CACHD1: variants seen among roughly 807,000 people sequenced by gnomAD.
The protein encoded by CACHD1 is VWFA and cache domain-containing protein 1.
In CACHD1, 71 loss-of-function variants were observed where a neutral mutation model predicts 138.7. The observed-to-expected ratio is 0.51, with a 90% CI of 0.42 to 0.62. CACHD1 has a LOEUF of 0.62. CACHD1 is among the 20% of genes least tolerant of loss of function. The pLI, the probability that CACHD1 is intolerant of heterozygous loss-of-function variation, is 0.00. For missense variants in CACHD1, 1,389 were observed against 1,625.3 expected (o/e 0.85, Z 2.50); for synonymous variants, 578 against 591.5 (o/e 0.98, Z 0.33).
chr1:64,536,810 A>G (rs1206936365), intron 1 of CACHD1, among the ~76,000 whole-genome samples: 2 of 152,232 alleles, frequency 1.3e-5, no homozygotes, highest in African/African-American at 4.8e-5. Flanking sequence ...GGGCAAAAAC[A>G]GTATACCAGA....
chr1:64,621,258 C>T (rs1647902784), intron 4 of CACHD1, among the ~76,000 whole-genome samples: 2 of 152,192 alleles, frequency 1.3e-5, no homozygotes, highest in South Asian at 2.1e-4. Context: ...TCCATATGTT[C>T]GTCTAAATAA....
chr1:64,572,859 A>G (rs528060344), intron 2 of CACHD1, among the ~76,000 whole-genome samples: 2 of 152,224 alleles, frequency 1.3e-5, no homozygotes, highest in East Asian at 3.9e-4. Flanking sequence ...ATTCCCTCAC[A>G]TCTGTCAGAC....
chr1:64,589,038 C>T (rs1647076093), intron 3 of CACHD1, among the ~76,000 whole-genome samples: 1 of 152,186 alleles, frequency 6.6e-6, no homozygotes, highest in Non-Finnish European at 1.5e-5. Context: ...CCAAGGTTCT[C>T]TGAAGCCAGC....
intron 9 of CACHD1, among the ~76,000 whole-genome samples, chr1:64,650,340 T>C (rs1171155214): frequency 6.6e-6 from 1 of 152,178 alleles, no homozygotes; most frequent in East Asian, 1.9e-4. Context: ...CTCAGGGGAC[T>C]GTGGTGGGCA....
intron 4 of CACHD1, among the ~76,000 whole-genome samples, chr1:64,608,565 G>A (rs549437104): frequency 6.2e-4 from 94 of 152,266 alleles, no homozygotes; most frequent in African/African-American, 2.1e-3. Flanking sequence ...AAACTGGGTC[G>A]TGTGTCCATT....
intron 9 of CACHD1, among the ~76,000 whole-genome samples, chr1:64,651,853 G>A (rs1472161864): frequency 6.6e-6 from 1 of 152,148 alleles, no homozygotes; most frequent in Non-Finnish European, 1.5e-5. Context: ...TGTTGCTGAT[G>A]TTTTGCACTG....
Position 64,582,200 on chromosome 1 carries a change from G to A in CACHD1, c.306G>A (p.Val102=). The A allele has an allele frequency of 6.2e-7, 1 of 1,613,940 alleles. No individual in the cohort carries two copies. The highest frequency in any genetic ancestry group is 8.5e-7 in the Non-Finnish European group (1 of 1,179,890). The stretch of plus-strand genomic sequence containing the variant: ...AGAAGTTCAACCGTTACTTGGATGT[G>A]GTCAATCGGAACAAGCAAGTTGTAG... ...IREKFNRYLD[V]VNRNKQVVEA... Residue 102 remains valine (V), a synonymous_variant, in exon 3 of 27, where the codon GTG becomes GTA. Coordinates refer to ENST00000651257, the MANE Select transcript of CACHD1 (RefSeq NM_020925.4).
chr1:64,577,103 T>A (rs1177474396), intron 2 of CACHD1, among the ~76,000 whole-genome samples: 1 of 151,878 alleles, frequency 6.6e-6, no homozygotes, highest in Non-Finnish European at 1.5e-5. Flanking sequence ...ACCAATATTC[T>A]TGGCTAATTT....
At chr1:64,547,117 G>T (rs1197199444) in intron 1 of CACHD1, among the ~76,000 whole-genome samples, 2 of 152,134 alleles carry the variant, frequency 1.3e-5, no homozygotes, top group Non-Finnish European at 2.9e-5. Flanking sequence ...TGGAAGTGTA[G>T]TTTTTTAGTC....
At chr1:64,657,434 G>A (rs1170061218) in intron 12 of CACHD1, among the ~76,000 whole-genome samples, 1 of 152,050 alleles carries the variant, frequency 6.6e-6, no homozygotes, top group African/African-American at 2.4e-5. Flanking sequence ...AGTCATTCTG[G>A]TAGGGTTTTG....
chr1:64,651,560 A>T (rs1008061665), intron 9 of CACHD1, among the ~76,000 whole-genome samples: 33 of 152,292 alleles, frequency 2.2e-4, no homozygotes, highest in African/African-American at 7.2e-4. Flanking sequence ...GAGACTGAGG[A>T]GGGAGGATCA....
At chr1:64,681,537 TTG>T (rs1220474799) in intron 25 of CACHD1, among the ~76,000 whole-genome samples, 11 of 140,864 alleles carry the variant, frequency 7.8e-5, no homozygotes, top group Admixed American at 2.3e-4. Context: ...AAAGATTTTA[TTG>T]TGTTTTTTTT....
chr1:64,600,503 G>A (rs955509347), intron 3 of CACHD1, among the ~76,000 whole-genome samples: 2 of 152,132 alleles, frequency 1.3e-5, no homozygotes, highest in African/African-American at 4.8e-5. Flanking sequence ...AAGATTTCTT[G>A]GAGCCTTCAG....
chr1:64,642,066 A>G, intron 8 of CACHD1, 97 bp downstream of exon 8: 1 of 1,180,610 alleles, frequency 8.5e-7, no homozygotes, highest in Non-Finnish European at 1.1e-6. Flanking sequence ...GTGTGCTTGG[A>G]TGAAGGCTAC....
intron 8 of CACHD1, among the ~76,000 whole-genome samples, chr1:64,645,944 G>T (rs1478339585): frequency 6.6e-6 from 1 of 152,062 alleles, no homozygotes; most frequent in Non-Finnish European, 1.5e-5. Flanking sequence ...AGAGGATCCT[G>T]GGAAATGTAG....
At chr1:64,654,839 A>C in intron 12 of CACHD1, 36 bp downstream of exon 12, 2 of 1,433,414 alleles carry the variant, frequency 1.4e-6, no homozygotes, top group Non-Finnish European at 2.0e-6. Flanking sequence ...TTGAAGAGCT[A>C]CAGGGTACAG....
At chr1:64,670,150 C>T (rs1404389577) in intron 16 of CACHD1, among the ~76,000 whole-genome samples, 6 of 152,180 alleles carry the variant, frequency 3.9e-5, no homozygotes, top group Non-Finnish European at 8.8e-5. Flanking sequence ...GTTTAAAGCC[C>T]TGCTTCCACC....
Position 64,569,900 on chromosome 1 carries a change from A to G in CACHD1, c.262-12256A>G, listed in dbSNP as rs1285413024. On this transcript the variant is annotated intron_variant, in intron 2 of 26. Transcript: ENST00000651257. ...AATGAACATTCCACTAAAAATGGAA[A>G]CAAGTAAGCCCATTTTACATGCATT... is the stretch of plus-strand genomic sequence containing the variant. Among the ~76,000 whole-genome samples, 3 of 152,202 alleles carry G rather than the reference A, an allele frequency of 2.0e-5. No individual in the cohort carries two copies. In the East Asian group the frequency reaches 5.8e-4, roughly 29 times the overall value.
At chr1:64,654,092 C>A (rs560759586) in intron 11 of CACHD1, among the ~76,000 whole-genome samples, 1 of 152,062 alleles carries the variant, frequency 6.6e-6, no homozygotes, top group African/African-American at 2.4e-5. Flanking sequence ...TATTATTTGA[C>A]GATAATGTCT....
Sources: gnomAD v4.1 joint callset for allele counts (sites outside exome capture counted in the v4.1 genomes callset) on GRCh38, gnomAD v4.1.1 for gene constraint, MANE v1.5 for transcripts, NCBI Gene and HGNC (gene_info 2026-07-23, HGNC 2026-07-21) for gene names.